The following GPATCH8 variants were observed in gnomAD, a reference collection of about 807,000 sequenced individuals.
GPATCH8 encodes G patch domain-containing protein 8.
GPATCH8 carries 18 observed loss-of-function variants against 118.3 expected under a neutral mutation model. The observed-to-expected ratio is 0.15, with a 90% CI of 0.11 to 0.23. The LOEUF (loss-of-function observed/expected upper bound fraction) is 0.23. Among genes scored for constraint, GPATCH8 ranks in the 10% least tolerant of loss-of-function variants. The pLI, the probability that GPATCH8 is intolerant of heterozygous loss-of-function variation, is 1.00. For missense variants in GPATCH8, 1,631 were observed against 1,873.8 expected, an observed-to-expected ratio of 0.87 and a Z score of 2.39; for synonymous variants, 659 against 684.7, an observed-to-expected ratio of 0.96 and a Z score of 0.59.
intron 6 of GPATCH8, among the ~76,000 whole-genome samples, chr17:44,411,666 A>G (rs1314375636): frequency 1.3e-5 from 2 of 152,184 alleles, no homozygotes; most frequent in Non-Finnish European, 2.9e-5. Context: ...TTTAGGGTCT[A>G]AAGATTATCC....
At chr17:44,420,829 T>C (rs557924389) in intron 6 of GPATCH8, among the ~76,000 whole-genome samples, 1 of 152,294 alleles carries the variant, frequency 6.6e-6, no homozygotes, top group South Asian at 2.1e-4. Context: ...CTATACATTA[T>C]TGAAGTTTGA....
At chr17:44,475,536 T>C (rs1967689116) in intron 1 of GPATCH8, among the ~76,000 whole-genome samples, 1 of 148,626 alleles carries the variant, frequency 6.7e-6, no homozygotes, top group South Asian at 2.1e-4. Context: ...CTACTAAAAA[T>C]ACAAAAAATT....
At chr17:44,425,025 C>A (rs796285125) in intron 5 of GPATCH8, among the ~76,000 whole-genome samples, 3 of 41,406 alleles carry the variant, frequency 7.2e-5, no homozygotes, top group African/African-American at 1.4e-4. Flanking sequence ...TGGAGAAAAA[C>A]AACAACAACA....
At chr17:44,421,643 C>A (rs1279182007) in intron 6 of GPATCH8, among the ~76,000 whole-genome samples, 1 of 151,934 alleles carries the variant, frequency 6.6e-6, no homozygotes, top group Non-Finnish European at 1.5e-5. Context: ...GGATTACAGG[C>A]ACGAGCCACC....
At position 44,401,445 on chromosome 17, in the gene GPATCH8, C is replaced by A. The variant is rs1295226320; in HGVS notation, c.632G>T (p.Gly211Val). 6.3e-7 allele frequency: 1 copy of A among 1,596,540 alleles called. No individual in the cohort carries two copies. Among genetic ancestry groups the A allele is most frequent in the African/African-American group, 1.3e-5 (1 of 74,654 alleles). The stretch of plus-strand genomic sequence containing the variant: ...GGTTGGTTTGAACATGGGACCACTT[C>A]CAGGTGCACTACATGATGATTTAGA... ...EQRKQAECAPGSGPMFKPTTV... is the reference protein window; with the variant it reads ...EQRKQAECAPVSGPMFKPTTV... Residue 211 changes from glycine (G) to valine (V), a missense_variant, in exon 8 of 8, where the codon GGA becomes GTA. Around this residue, in one of 8 missense-constraint regions of GPATCH8, gnomAD observed 405 missense variants for 462.7 expected, o/e 0.88. Coordinates refer to ENST00000591680, the MANE Select transcript of GPATCH8 (RefSeq NM_001002909.4).
intron 3 of GPATCH8, among the ~76,000 whole-genome samples, chr17:44,461,019 A>G (rs1217790748): frequency 6.6e-6 from 1 of 152,244 alleles, no homozygotes; most frequent in African/African-American, 2.4e-5. Flanking sequence ...TGGAAACAGA[A>G]TAAGGCTCCA....
chr17:44,443,522 C>A (rs928827100), intron 3 of GPATCH8, among the ~76,000 whole-genome samples: 3 of 152,016 alleles, frequency 2.0e-5, no homozygotes, highest in African/African-American at 7.3e-5. Flanking sequence ...ATTACTTAAT[C>A]CCTAGAGAGT....
At chr17:44,423,943 A>T (rs2050001937) in intron 6 of GPATCH8, among the ~76,000 whole-genome samples, 1 of 152,236 alleles carries the variant, frequency 6.6e-6, no homozygotes, top group Admixed American at 6.5e-5. Context: ...AATGGTAGCC[A>T]ATAAAGCATG....
chr17:44,412,348 C>CTCCA (rs2049472952), intron 6 of GPATCH8, among the ~76,000 whole-genome samples: 1 of 152,184 alleles, frequency 6.6e-6, no homozygotes, highest in East Asian at 1.9e-4. Flanking sequence ...TGCCACTGCA[C>CTCCA]TCCAGCCTGG....
intron 3 of GPATCH8, among the ~76,000 whole-genome samples, chr17:44,456,103 G>A (rs2051321051): frequency 6.7e-6 from 1 of 150,188 alleles, no homozygotes; most frequent in East Asian, 2.3e-4. Context: ...GATTGAGACA[G>A]GTCTTGCTTA....
rs1567955436 is a variant in GPATCH8 at position 44,414,115 on chromosome 17, A to ATGTATATGTGTATATATATATATG, written c.493-8065_493-8064insCATATATATATATACACATATACA. 1.2e-3 allele frequency among the ~76,000 whole-genome samples: 104 copies of ATGTATATGTGTATATATATATATG among 83,440 alleles called. No individual in the cohort carries two copies. The South Asian group carries it at 0.019, about 15-fold the overall frequency. The allele number at this position is 83,440 out of a possible 152,430, so 54.7% of individuals were successfully genotyped here. On this transcript the variant is annotated intron_variant, in intron 6 of 7. Transcript: ENST00000591680. ...TATATATATATGTGTGTATATATAT[A>ATGTATATGTGTATATATATATATG]TGTATATATATGTGTATATATATAT...
In GPATCH8 at chr17:44,401,421, G is replaced by A. The variant is rs1183098128; in HGVS notation, c.656C>T (p.Thr219Ile). 6.2e-7 allele frequency: 1 copy of A among 1,613,080 alleles called. No individual in the cohort carries two copies. Among genetic ancestry groups the A allele is most frequent in the South Asian group, 1.1e-5 (1 of 91,064 alleles). ...APGSGPMFKPTTVAVDEEGGE... is the reference protein window; with the variant it reads ...APGSGPMFKPITVAVDEEGGE... ...ACCTTCTTCATCTACAGCCACTGTG[G>A]TTGGTTTGAACATGGGACCACTTCC... Residue 219 changes from threonine to isoleucine, a missense_variant, in exon 8 of 8, where the codon ACC (threonine) becomes ATC (isoleucine). By Grantham distance (89) the Thr-to-Ile change is moderately conservative (BLOSUM62 -1). Around this residue, in one of 8 missense-constraint regions of GPATCH8, gnomAD observed 405 missense variants for 462.7 expected, o/e 0.88. Coordinates refer to ENST00000591680, the MANE Select transcript of GPATCH8 (RefSeq NM_001002909.4).
chr17:44,431,103 G>A (rs1354587635), intron 5 of GPATCH8, among the ~76,000 whole-genome samples: 2 of 151,440 alleles, frequency 1.3e-5, no homozygotes, highest in Non-Finnish European at 2.9e-5. Context: ...AGGCACAGTG[G>A]CTCACGCCTG....
intron 4 of GPATCH8, among the ~76,000 whole-genome samples, chr17:44,435,424 T>TC (rs1416241597): frequency 2.8e-5 from 4 of 144,326 alleles, no homozygotes; most frequent in Non-Finnish European, 6.1e-5. Flanking sequence ...TTTTTTTTTT[T>TC]TTTTTTGAGA....
At chr17:44,497,903 T>G (rs1969784560) in intron 1 of GPATCH8, among the ~76,000 whole-genome samples, 1 of 151,052 alleles carries the variant, frequency 6.6e-6, no homozygotes, top group Admixed American at 6.6e-5. Context: ...CCCACAACTG[T>G]ACTCTAGCCT....
At chr17:44,472,677 G>GT (rs948033873) in intron 2 of GPATCH8, among the ~76,000 whole-genome samples, 10 of 151,420 alleles carry the variant, frequency 6.6e-5, no homozygotes, top group East Asian at 1.9e-4. Context: ...GACCCTCCTG[G>GT]TTTTTTTTGT....
At chr17:44,483,252 CTTTTTT>C (rs997056894) in intron 1 of GPATCH8, among the ~76,000 whole-genome samples, 2 of 91,348 alleles carry the variant, frequency 2.2e-5, no homozygotes, top group Non-Finnish European at 4.2e-5. Flanking sequence ...ACACTCATTT[CTTTTTT>C]TTGTTTTTTT....
At chr17:44,429,669 C>CACACACACACACACACAT (rs1319024784) in intron 5 of GPATCH8, among the ~76,000 whole-genome samples, 8 of 150,588 alleles carry the variant, frequency 5.3e-5, no homozygotes, top group Admixed American at 4.0e-4. Context: ...CACACACACA[C>CACACACACACACACACAT]ACACACACAC....
At chr17:44,448,573 GGAAGAAGAAGAA>G (rs141804150) in intron 3 of GPATCH8, among the ~76,000 whole-genome samples, 5 of 127,634 alleles carry the variant, frequency 3.9e-5, no homozygotes, top group Admixed American at 1.6e-4. Flanking sequence ...AAGAGGAAGA[GGAAGAAGAAGAA>G]GAAGAAGAAG....
Sources: allele counts gnomAD v4.1 joint callset (sites outside exome capture counted in the v4.1 genomes callset), GRCh38; gene constraint gnomAD v4.1.1; regional missense constraint gnomAD v4.1.1; transcripts MANE v1.5; gene names NCBI Gene and HGNC (gene_info 2026-07-23, HGNC 2026-07-21).